Variants in ROBO2 observed in about 807,000 individuals in gnomAD.
ROBO2 encodes roundabout homolog 2.
In ROBO2, 53 loss-of-function variants were observed where a neutral mutation model predicts 160.8. The observed-to-expected ratio is 0.33, with a 90% confidence interval of 0.26 to 0.41. The LOEUF is 0.41. ROBO2 is among the 10% of genes least tolerant of loss of function. ROBO2 has a pLI of 1.00. For missense variants in ROBO2, 1,577 were observed against 1,722.4 expected (o/e 0.92, Z 1.49); for synonymous variants, 664 against 611.7 (o/e 1.09, Z -1.26).
At position 76,127,214 on chromosome 3, in the gene ROBO2, A is replaced by G. The variant is rs1015184107; in HGVS notation, c.109+189612A>G. Among the ~76,000 whole-genome samples, 8 of 152,156 alleles carry G rather than the reference A, an allele frequency of 5.3e-5. No individual in the cohort carries two copies. The East Asian group carries it at 1.5e-3, about 29-fold the overall frequency. ...ACCAATTTACATCAACCACAATACCAGATACAACTCCACCAGTGGTAATTT... is the reference window on the plus strand; with the variant it reads ...ACCAATTTACATCAACCACAATACCGGATACAACTCCACCAGTGGTAATTT... On this transcript the variant is annotated intron_variant, in intron 2 of 26. Transcript: ENST00000487694.
At chr3:75,979,827 T>C (rs1409036358) in intron 2 of ROBO2, among the ~76,000 whole-genome samples, 1 of 151,670 alleles carries the variant, frequency 6.6e-6, no homozygotes. Context: ...TTTGTAGATA[T>C]AATGTTGATA....
intron 2 of ROBO2, among the ~76,000 whole-genome samples, chr3:77,150,730 CT>C (rs11286216): frequency 0.086 from 12,502 of 145,476 alleles, 525 homozygotes; most frequent in Admixed American, 0.12. Flanking sequence ...AATGAGAAGC[CT>C]TTTTTTTTTT....
chr3:76,654,327 G>C (rs1481318208), intron 2 of ROBO2, among the ~76,000 whole-genome samples: 4 of 152,124 alleles, frequency 2.6e-5, no homozygotes, highest in Non-Finnish European at 5.9e-5. Flanking sequence ...TAAAAGAAGT[G>C]TTGGCAGTTA....
At chr3:76,093,136 G>A (rs1011785678) in intron 2 of ROBO2, among the ~76,000 whole-genome samples, 2 of 152,042 alleles carry the variant, frequency 1.3e-5, no homozygotes, top group Non-Finnish European at 1.5e-5. Flanking sequence ...GTCTTCTGGT[G>A]TAATCATCAT....
chr3:77,135,404 A>AT (rs932674810), intron 2 of ROBO2, among the ~76,000 whole-genome samples: 2 of 151,860 alleles, frequency 1.3e-5, no homozygotes, highest in African/African-American at 4.8e-5. Flanking sequence ...TTTTAATTTA[A>AT]TTAATTTTTT....
At chr3:76,616,104 A>G (rs903158398) in intron 2 of ROBO2, among the ~76,000 whole-genome samples, 3 of 152,214 alleles carry the variant, frequency 2.0e-5, no homozygotes, top group African/African-American at 7.2e-5. Context: ...TTAATGTTAC[A>G]TATTTCCAGT....
At chr3:77,128,903 G>C (rs962063789) in intron 2 of ROBO2, among the ~76,000 whole-genome samples, 3 of 152,058 alleles carry the variant, frequency 2.0e-5, no homozygotes, top group African/African-American at 7.2e-5. Context: ...TGAAAATTCA[G>C]GCTTACTCAT....
At chr3:76,351,262 AT>A (rs1460902083) in intron 2 of ROBO2, among the ~76,000 whole-genome samples, 2 of 151,976 alleles carry the variant, frequency 1.3e-5, no homozygotes, top group Non-Finnish European at 2.9e-5. Flanking sequence ...GGAGAGTAAT[AT>A]TAAAAAGCAC....
intron 1 of ROBO2, among the ~76,000 whole-genome samples, chr3:77,058,401 C>T (rs1371328382): frequency 6.6e-6 from 1 of 152,066 alleles, no homozygotes; most frequent in Non-Finnish European, 1.5e-5. Flanking sequence ...ACTTGTACAC[C>T]TCTTCTGTAA....
intron 2 of ROBO2, among the ~76,000 whole-genome samples, chr3:77,337,967 G>A (rs757473299): frequency 6.6e-6 from 1 of 152,038 alleles, no homozygotes; most frequent in Non-Finnish European, 1.5e-5. Context: ...TGTACGTATT[G>A]GTTGATGTTT....
At chr3:76,972,726 G>A (rs2059631430) in intron 2 of ROBO2, among the ~76,000 whole-genome samples, 1 of 152,138 alleles carries the variant, frequency 6.6e-6, no homozygotes, top group South Asian at 2.1e-4. Flanking sequence ...AAGCCTATTG[G>A]TGCACACCTG....
intron 2 of ROBO2, among the ~76,000 whole-genome samples, chr3:76,323,276 T>A (rs995305788): frequency 3.3e-5 from 5 of 152,150 alleles, no homozygotes; most frequent in African/African-American, 1.2e-4. Context: ...TGTGTCTCTA[T>A]ATTAAGCACT....
At chr3:77,496,874 T>C (rs1311831939) in intron 5 of ROBO2, among the ~76,000 whole-genome samples, 1 of 152,104 alleles carries the variant, frequency 6.6e-6, no homozygotes, top group Non-Finnish European at 1.5e-5. Context: ...CTTGAAAATA[T>C]TTTTTAAGTA....
chr3:75,954,529 T>C (rs1948660044), intron 2 of ROBO2, among the ~76,000 whole-genome samples: 1 of 151,890 alleles, frequency 6.6e-6, no homozygotes, highest in Admixed American at 6.6e-5. Context: ...AGCAAAGTAG[T>C]TCCTAAACCT....
At chr3:77,195,253 A>G (rs2082211591) in intron 2 of ROBO2, among the ~76,000 whole-genome samples, 1 of 152,186 alleles carries the variant, frequency 6.6e-6, no homozygotes, top group African/African-American at 2.4e-5. Context: ...TGTTTACAAA[A>G]TGTAGAACAT....
chr3:77,441,002 T>C (rs2079865070), intron 2 of ROBO2, among the ~76,000 whole-genome samples: 1 of 152,102 alleles, frequency 6.6e-6, no homozygotes, highest in Admixed American at 6.6e-5. Context: ...AATTCCCATA[T>C]TCTATTCTTT....
chr3:77,412,040 G>A (rs1042874270), intron 2 of ROBO2, among the ~76,000 whole-genome samples: 1 of 152,066 alleles, frequency 6.6e-6, no homozygotes, highest in African/African-American at 2.4e-5. Context: ...GTGACTCATA[G>A]CCTCAGACCT....
intron 2 of ROBO2, among the ~76,000 whole-genome samples, chr3:76,962,501 G>A (rs988645867): frequency 2.0e-5 from 3 of 152,020 alleles, no homozygotes; most frequent in African/African-American, 7.3e-5. Flanking sequence ...AACCAGGCAT[G>A]GTGGCACATG....
chr3:77,475,078 A>G (rs1221757694), intron 2 of ROBO2, among the ~76,000 whole-genome samples: 1 of 151,758 alleles, frequency 6.6e-6, no homozygotes, highest in Admixed American at 6.6e-5. Flanking sequence ...TGAGAGAGAG[A>G]GAGAGAAGAA....
Sources: allele counts gnomAD v4.1 joint callset (sites outside exome capture counted in the v4.1 genomes callset), GRCh38; gene constraint gnomAD v4.1.1; transcripts MANE v1.5; gene names NCBI Gene and HGNC (gene_info 2026-07-23, HGNC 2026-07-21).